DYNC2H1: variants seen among roughly 807,000 people sequenced by gnomAD.
The protein encoded by DYNC2H1 is dynein cytoplasmic 2 heavy chain 1, also known as cytoplasmic dynein 2 heavy chain 1.
DYNC2H1 carries 410 observed loss-of-function variants against 570.0 expected under a neutral mutation model. The ratio of observed to expected loss-of-function variants is 0.72; its 90% CI spans 0.66 to 0.78. DYNC2H1 has a LOEUF of 0.78. DYNC2H1 is among the 30% of genes least tolerant of loss of function. The pLI, the probability that DYNC2H1 is intolerant of heterozygous loss-of-function variation, is 0.00. For synonymous variants in DYNC2H1, 1,688 were observed against 1,677.6 expected, an observed-to-expected ratio of 1.01 and a Z score of -0.15; for missense variants, 4,865 against 5,046.4, an observed-to-expected ratio of 0.96 and a Z score of 1.09.
chr11:103,419,291 C>G (rs1051867190), intron 84 of DYNC2H1, among the ~76,000 whole-genome samples: 1 of 152,192 alleles, frequency 6.6e-6, no homozygotes, highest in Non-Finnish European at 1.5e-5. Context: ...ATGAGCCAGA[C>G]TGATTCTTTA....
chr11:103,451,638 G>A (rs149430821), intron 85 of DYNC2H1, among the ~76,000 whole-genome samples: 190 of 152,092 alleles, frequency 1.2e-3, no homozygotes, highest in African/African-American at 4.4e-3. Flanking sequence ...GCCAAGGCTT[G>A]TATATTTTTA....
chr11:103,333,247 A>T (rs1334174848), intron 82 of DYNC2H1, among the ~76,000 whole-genome samples: 1 of 152,150 alleles, frequency 6.6e-6, no homozygotes, highest in Non-Finnish European at 1.5e-5. Context: ...TAGAATTATT[A>T]TGAGGTTTAT....
At chr11:103,216,666 C>T (rs1007011024) in intron 55 of DYNC2H1, among the ~76,000 whole-genome samples, 5 of 152,036 alleles carry the variant, frequency 3.3e-5, no homozygotes, top group Non-Finnish European at 7.4e-5. Context: ...GTGGCACGTG[C>T]CTATAGTCCC....
chr11:103,120,099 T>G (rs1405442522), intron 6 of DYNC2H1, among the ~76,000 whole-genome samples: 1 of 152,192 alleles, frequency 6.6e-6, no homozygotes, highest in African/African-American at 2.4e-5. Flanking sequence ...ATTACTATAT[T>G]AAGGGTAGGC....
intron 63 of DYNC2H1, among the ~76,000 whole-genome samples, chr11:103,240,235 A>G (rs1458150790): frequency 5.3e-5 from 8 of 152,104 alleles, no homozygotes; most frequent in Admixed American, 3.9e-4. Context: ...AACCTTGTCC[A>G]TTGGTGACTC....
intron 83 of DYNC2H1, among the ~76,000 whole-genome samples, chr11:103,377,584 TA>T (rs1941444648): frequency 6.6e-6 from 1 of 152,178 alleles, no homozygotes; most frequent in Non-Finnish European, 1.5e-5. Context: ...ATTCTGTTTT[TA>T]AATGTCTAAA....
At chr11:103,464,433 CAG>C (rs1364902338) in intron 87 of DYNC2H1, among the ~76,000 whole-genome samples, 2 of 152,054 alleles carry the variant, frequency 1.3e-5, no homozygotes, top group Non-Finnish European at 2.9e-5. Context: ...GAGAGAATGA[CAG>C]AGAAGAGAAA....
intron 55 of DYNC2H1, among the ~76,000 whole-genome samples, chr11:103,219,347 C>T (rs1013215740): frequency 7.5e-6 from 1 of 133,078 alleles, no homozygotes. Context: ...GGCGCAGTGG[C>T]TCACGCCAGT....
intron 12 of DYNC2H1, among the ~76,000 whole-genome samples, chr11:103,126,093 G>C (rs900747456): frequency 3.3e-5 from 5 of 152,018 alleles, no homozygotes; most frequent in African/African-American, 1.2e-4. Context: ...TTAGATGGCA[G>C]GAACAGTATC....
At chr11:103,182,077 T>C (rs1222413739) in intron 40 of DYNC2H1, among the ~76,000 whole-genome samples, 191 bp downstream of exon 40, 1 of 151,656 alleles carries the variant, frequency 6.6e-6, no homozygotes, top group African/African-American at 2.4e-5. Flanking sequence ...TTTTATTTTG[T>C]TAGTCTTAAA....
chr11:103,469,650 CAT>C (rs1159045396), intron 88 of DYNC2H1, among the ~76,000 whole-genome samples: 4 of 152,232 alleles, frequency 2.6e-5, no homozygotes, highest in Non-Finnish European at 5.9e-5. Flanking sequence ...CCTAAAAGAG[CAT>C]ATGTTTCTGT....
intron 13 of DYNC2H1, among the ~76,000 whole-genome samples, chr11:103,130,664 T>C (rs1221286780): frequency 6.6e-6 from 1 of 152,184 alleles, no homozygotes; most frequent in East Asian, 1.9e-4. Flanking sequence ...GTATGCATAG[T>C]TTTGGAAATG....
intron 83 of DYNC2H1, among the ~76,000 whole-genome samples, chr11:103,361,182 AGTGATG>A (rs1723923283): frequency 1.3e-5 from 2 of 152,316 alleles, no homozygotes; most frequent in South Asian, 4.1e-4. Context: ...TAACTCTCAA[AGTGATG>A]GTATTTGTAG....
intron 83 of DYNC2H1, among the ~76,000 whole-genome samples, chr11:103,362,281 A>G (rs1940679488): frequency 6.6e-6 from 1 of 150,828 alleles, no homozygotes; most frequent in Admixed American, 6.6e-5. Flanking sequence ...TCAATAATAA[A>G]TATAGACATT....
chr11:103,168,796 G>A lies in DYNC2H1; in HGVS notation c.4804G>A (p.Asp1602Asn). 6.2e-7 allele frequency: 1 copy of A among 1,613,058 alleles called. No individual in the cohort carries two copies. Among genetic ancestry groups the A allele is most frequent in the Non-Finnish European group, 8.5e-7 (1 of 1,179,500 alleles). The change falls in exon 32 of 89, where the codon GAC (aspartate) becomes AAC (asparagine). Residue 1602 changes from aspartate (D) to asparagine (N), a missense_variant. Asp to Asn is a conservative substitution (Grantham distance 23). This residue lies in a region of DYNC2H1 where 1,936 missense variants were observed against 1,962.1 expected (regional missense o/e 0.99). Transcript: ENST00000375735. The part of the protein sequence containing the change: ...LELKLKALIL[D>N]IIHNIDVVKQ... ...GCTTAAACTTAAAGCCCTAATTCTTGACATTATCCATAATATTGATGTGGT... is the reference window on the plus strand; with the variant it reads ...GCTTAAACTTAAAGCCCTAATTCTTAACATTATCCATAATATTGATGTGGT...
intron 52 of DYNC2H1, among the ~76,000 whole-genome samples, chr11:103,208,594 A>C (rs1214703766): frequency 1.3e-5 from 2 of 152,090 alleles, no homozygotes; most frequent in Non-Finnish European, 2.9e-5. Context: ...CAGATTGGGG[A>C]CAGTTAAGGA....
In DYNC2H1 at chr11:103,154,516, A is replaced by G. The variant is rs770661912; in HGVS notation, c.3368A>G (p.Asp1123Gly). ...NFSLASSISK[D>G]IESCAQIWAF... The stretch of plus-strand genomic sequence containing the variant: ...TCCCTGGCAAGTAGTATCTCTAAAG[A>G]TATCGAGAGCTGTGCCCAAATTTGG... Residue 1123 changes from aspartate (D) to glycine (G), a missense_variant, in exon 23 of 89, where the codon GAT becomes GGT. Physicochemically the swap from Asp to Gly is moderately conservative, Grantham distance 94 (BLOSUM62 -1). This residue lies in a region of DYNC2H1 where 1,936 missense variants were observed against 1,962.1 expected (regional missense o/e 0.99). Coordinates refer to ENST00000375735, the MANE Select transcript of DYNC2H1 (RefSeq NM_001377.3). The G allele has an allele frequency of 3.2e-6, 5 of 1,577,858 alleles. No homozygotes were observed. The highest frequency in any genetic ancestry group is 1.8e-5 in the Admixed American group (1 of 54,230).
Position 103,140,939 on chromosome 11 carries a change from G to A in DYNC2H1, c.2575-2329G>A, listed in dbSNP as rs191393870. On this transcript the variant is annotated intron_variant, in intron 17 of 88. Transcript: ENST00000375735. Reference sequence around the variant, plus strand: ...TTTTTTTCTCTAAACTTCCCTTCTCGGTTCATTTCATTCATTTCATCTTCC... The same window carrying A: ...TTTTTTTCTCTAAACTTCCCTTCTCAGTTCATTTCATTCATTTCATCTTCC... Among the ~76,000 whole-genome samples, 570 of 151,808 alleles carry A rather than the reference G, an allele frequency of 3.8e-3. 4 individuals carry two copies. Among genetic ancestry groups the A allele is most frequent in the African/African-American group, 0.013 (526 of 41,372 alleles).
At chr11:103,223,513 G>A (rs1591434823) in intron 59 of DYNC2H1, among the ~76,000 whole-genome samples, 3 of 151,002 alleles carry the variant, frequency 2.0e-5, no homozygotes, top group East Asian at 3.9e-4. Context: ...TCAGCCTCCC[G>A]AGTAGCTGGG....
Sources: allele counts gnomAD v4.1 joint callset (sites outside exome capture counted in the v4.1 genomes callset), GRCh38; gene constraint gnomAD v4.1.1; regional missense constraint gnomAD v4.1.1; transcripts MANE v1.5; gene names NCBI Gene and HGNC (gene_info 2026-07-23, HGNC 2026-07-21).